Variants in LRP1B observed in about 807,000 individuals in gnomAD.
LRP1B encodes low-density lipoprotein receptor-related protein 1B.
In LRP1B, 217 loss-of-function variants were observed where a neutral mutation model predicts 556.6. The ratio of observed to expected loss-of-function variants is 0.39; its 90% CI spans 0.35 to 0.44. The LOEUF (loss-of-function observed/expected upper bound fraction) is 0.44. Ranked by LOEUF, LRP1B falls within the 20% of genes least tolerant of loss-of-function variation. The pLI is 1.00. For synonymous variants in LRP1B, 2,047 were observed against 1,865.8 expected (o/e 1.10, Z -2.50); for missense variants, 5,053 against 5,620.8 (o/e 0.90, Z 3.23).
intron 2 of LRP1B, among the ~76,000 whole-genome samples, chr2:141,802,167 T>G (rs1238111842): frequency 1.3e-5 from 2 of 152,142 alleles, no homozygotes; most frequent in African/African-American, 2.4e-5. Flanking sequence ...TGTTGGGAAG[T>G]GTTTTTGCTT....
At chr2:141,144,357 A>C (rs1483420990) in intron 7 of LRP1B, among the ~76,000 whole-genome samples, 1 of 152,224 alleles carries the variant, frequency 6.6e-6, no homozygotes, top group African/African-American at 2.4e-5. Flanking sequence ...TTGAAATATG[A>C]AAAATATAAC....
At chr2:140,954,133 G>T (rs369853667) in intron 18 of LRP1B, among the ~76,000 whole-genome samples, 1 of 152,096 alleles carries the variant, frequency 6.6e-6, no homozygotes, top group Non-Finnish European at 1.5e-5. Flanking sequence ...CCACTCCTTC[G>T]TAAGTTTCTT....
At chr2:140,583,796 G>A (rs918365583) in intron 43 of LRP1B, among the ~76,000 whole-genome samples, 2 of 151,716 alleles carry the variant, frequency 1.3e-5, no homozygotes, top group South Asian at 2.1e-4. Context: ...AAATTCCTGT[G>A]TAAATAAAAG....
intron 84 of LRP1B, among the ~76,000 whole-genome samples, chr2:140,275,316 G>T (rs1682624659): frequency 6.6e-6 from 1 of 152,032 alleles, no homozygotes; most frequent in Non-Finnish European, 1.5e-5. Context: ...CTCACTAGAA[G>T]CAGAGAGCTC....
At chr2:141,731,787 A>T (rs1384559998) in intron 2 of LRP1B, among the ~76,000 whole-genome samples, 1 of 152,072 alleles carries the variant, frequency 6.6e-6, no homozygotes, top group African/African-American at 2.4e-5. Flanking sequence ...CACTAACCTC[A>T]TTAGGTTGTT....
chr2:141,370,104 T>C (rs1370035617), intron 3 of LRP1B, among the ~76,000 whole-genome samples: 1 of 152,178 alleles, frequency 6.6e-6, no homozygotes, highest in East Asian at 1.9e-4. Context: ...GCAATAAACA[T>C]ATGAGTGCAG....
chr2:141,787,579 G>A (rs1269635086), intron 2 of LRP1B, among the ~76,000 whole-genome samples: 3 of 151,698 alleles, frequency 2.0e-5, no homozygotes, highest in African/African-American at 4.8e-5. Flanking sequence ...AGGGATCAAA[G>A]GTCGAGGAAG....
chr2:142,129,454 G>A (rs1384672070), intron 1 of LRP1B, among the ~76,000 whole-genome samples: 1 of 152,132 alleles, frequency 6.6e-6, no homozygotes, highest in African/African-American at 2.4e-5. Flanking sequence ...TCATTCCCCT[G>A]TTCTTTCCTA....
chr2:141,718,240 C>T (rs1692685537), intron 2 of LRP1B, among the ~76,000 whole-genome samples: 1 of 152,150 alleles, frequency 6.6e-6, no homozygotes, highest in Non-Finnish European at 1.5e-5. Context: ...CTCTCTCTTT[C>T]CTCCCTCGAC....
At chr2:140,612,356 G>A (rs1683100677) in intron 41 of LRP1B, among the ~76,000 whole-genome samples, 1 of 151,796 alleles carries the variant, frequency 6.6e-6, no homozygotes, top group Non-Finnish European at 1.5e-5. Context: ...TTTATTTTTT[G>A]ATTTGTATTT....
intron 1 of LRP1B, among the ~76,000 whole-genome samples, chr2:141,955,233 C>T (rs1701213377): frequency 6.6e-6 from 1 of 152,052 alleles, no homozygotes; most frequent in Non-Finnish European, 1.5e-5. Context: ...CAAATGTAAC[C>T]TCTCTCCTAA....
At chr2:141,182,199 G>A (rs1046210787) in intron 7 of LRP1B, among the ~76,000 whole-genome samples, 19 of 151,924 alleles carry the variant, frequency 1.3e-4, no homozygotes, top group Admixed American at 1.1e-3. Context: ...AAGGAATTGG[G>A]ATACATAAAA....
At chr2:141,273,515 C>T (rs1685166357) in intron 3 of LRP1B, among the ~76,000 whole-genome samples, 1 of 152,102 alleles carries the variant, frequency 6.6e-6, no homozygotes, top group South Asian at 2.1e-4. Flanking sequence ...ACTAGGTCAA[C>T]TGGAAATCCA....
intron 10 of LRP1B, among the ~76,000 whole-genome samples, chr2:141,051,224 C>T (rs1699026170): frequency 6.6e-6 from 1 of 152,036 alleles, no homozygotes; most frequent in African/African-American, 2.4e-5. Flanking sequence ...TGTGGCGATC[C>T]CTCAAGCATA....
rs186357965 is a variant in LRP1B at position 141,892,276 on chromosome 2, A to C, written c.83-81875T>G. Among the ~76,000 whole-genome samples the C allele has an allele frequency of 3.7e-4, 57 of 152,124 alleles. No homozygotes were observed. In the East Asian group the frequency reaches 0.011, roughly 28 times the overall value. ...GGTTAAATATATTAAAAATTATATT[A>C]AATGCATATTTGGGATCCAATATTT... is the stretch of plus-strand genomic sequence containing the variant. On this transcript the variant is annotated intron_variant, in intron 1 of 90. Coordinates refer to ENST00000389484, the MANE Select transcript of LRP1B (RefSeq NM_018557.3).
intron 35 of LRP1B, among the ~76,000 whole-genome samples, chr2:140,763,550 G>A (rs1689001662): frequency 6.6e-6 from 1 of 152,020 alleles, no homozygotes; most frequent in Admixed American, 6.6e-5. Flanking sequence ...AAATAATATA[G>A]ATCTCAAATA....
At chr2:140,323,353 A>G (rs1486128007) in intron 81 of LRP1B, among the ~76,000 whole-genome samples, 3 of 151,828 alleles carry the variant, frequency 2.0e-5, no homozygotes, top group Admixed American at 2.0e-4. Context: ...CAGAGAAAAT[A>G]TACAACTCTT....
chr2:140,656,053 A>G (rs1684870415), intron 41 of LRP1B, among the ~76,000 whole-genome samples: 1 of 152,236 alleles, frequency 6.6e-6, no homozygotes, highest in Admixed American at 6.5e-5. Context: ...AGGGGATTCA[A>G]TAAATGCCAT....
In LRP1B at chr2:142,002,907, G is replaced by T. The variant is rs538890680; in HGVS notation, c.82+127741C>A. 4.2e-4 allele frequency among the ~76,000 whole-genome samples: 64 copies of T among 152,270 alleles called. No homozygotes were observed. The South Asian group carries it at 0.013, about 31-fold the overall frequency. ...AATTTATCTTGACACTTAGAGAAAT[G>T]ATCATGTCTTTGTACTTTTGTTCCA... On this transcript the variant is annotated intron_variant, in intron 1 of 90. Coordinates refer to ENST00000389484, the MANE Select transcript of LRP1B (RefSeq NM_018557.3).
Sources: allele counts gnomAD v4.1 joint callset (sites outside exome capture counted in the v4.1 genomes callset), GRCh38; gene constraint gnomAD v4.1.1; transcripts MANE v1.5; gene names NCBI Gene and HGNC (gene_info 2026-07-23, HGNC 2026-07-21).